The following MYH3 variants were observed in gnomAD, a reference collection of about 807,000 sequenced individuals.
MYH3 encodes myosin-3.
MYH3 carries 130 observed loss-of-function variants against 238.0 expected under a neutral mutation model. The observed-to-expected ratio is 0.55, with a 90% confidence interval of 0.47 to 0.63. The LOEUF (loss-of-function observed/expected upper bound fraction) is 0.63, where lower values mean the gene tolerates loss of function less well. MYH3 is among the 30% of genes least tolerant of loss of function. MYH3 has a pLI of 0.00. For missense variants in MYH3, 1,853 were observed against 2,374.9 expected (o/e 0.78, Z 4.57); for synonymous variants, 880 against 924.1 (o/e 0.95, Z 0.86).
the MYH3 span, among the ~76,000 whole-genome samples, chr17:10,671,489 ACT>A: frequency 3.3e-5 from 5 of 151,126 alleles, no homozygotes; most frequent in African/African-American, 1.2e-4. Flanking sequence ...CAAAAATTCC[ACT>A]GTTTGAATTA....
At chr17:10,661,133 T>C (rs1401186620), upstream of MYH3, among the ~76,000 whole-genome samples, 1 of 151,540 alleles carries the variant, frequency 6.6e-6, no homozygotes, top group African/African-American at 2.4e-5. Flanking sequence ...TATGCCACCA[T>C]GCCTGGCTAA....
In MYH3 at chr17:10,642,755, G is replaced by A. The variant is rs764370473; in HGVS notation, c.1582-32C>T. ...TGAAGGCAAGGCAAAGTGCAGAGAG[G>A]TAAATATGAGCTGCAGTAATGAGCA... On this transcript the variant is annotated intron_variant, in intron 15 of 40. Transcript: ENST00000583535. This position sits in a 1 kb window ranked among gnomAD's most constrained non-coding sequence, Gnocchi z 5.4. The A allele has an allele frequency of 6.8e-6, 11 of 1,614,060 alleles. No homozygotes were observed. Among genetic ancestry groups the A allele is most frequent in the Non-Finnish European group, 9.3e-6 (11 of 1,180,034 alleles).
At chr17:10,637,779 G>C (rs2074228728) in intron 28 of MYH3, 30 bp downstream of exon 28, 1 of 1,613,506 alleles carries the variant, frequency 6.2e-7, no homozygotes, top group Non-Finnish European at 8.5e-7. Flanking sequence ...AGGAGGTTTT[G>C]GCCCCACGGG....
chr17:10,658,149 G>C (rs12949974), upstream of MYH3, among the ~76,000 whole-genome samples: 44,504 of 151,850 alleles, frequency 0.29, 7,635 homozygotes, highest in Non-Finnish European at 0.39. Context: ...GGGCGGACAA[G>C]GGGGGGCTGT....
Position 10,640,703 on chromosome 17 carries a change from G to A in MYH3, c.2166-17C>T. 2 of 1,613,182 alleles carry A rather than the reference G, an allele frequency of 1.2e-6. No homozygotes were observed. Among genetic ancestry groups the A allele is most frequent in the Non-Finnish European group, 1.7e-6 (2 of 1,179,544 alleles). On this transcript the variant is annotated splice_polypyrimidine_tract_variant and intron_variant, in intron 19 of 40. Transcript: ENST00000583535. ...ACTCGGTATCTGCATTGTAGACATG[G>A]AAATCATCACAGACTGTTGGCAAAG...
At position 10,629,607 on chromosome 17, in the gene MYH3, G is replaced by A. The variant is rs867200333; in HGVS notation, c.5786C>T (p.Thr1929Ile). Residue 1929 changes from threonine (T) to isoleucine (I), a missense_variant, in exon 40 of 41, where the codon ACC (threonine) becomes ATC (isoleucine). Transcript: ENST00000583535. ...NKLRAKTRDFTSSRMVVHESE... is the reference protein window; with the variant it reads ...NKLRAKTRDFISSRMVVHESE... ...AGCTCAGCGACTCACCCTGCTGGAG[G>A]TGAAGTCTCGAGTCTTAGCGCGGAG... 11 of 1,613,258 alleles carry A rather than the reference G, an allele frequency of 6.8e-6. No homozygotes were observed. The highest frequency in any genetic ancestry group is 4.4e-5 in the South Asian group (4 of 91,046).
At chr17:10,655,386 C>A (rs201880864) in intron 2 of MYH3, among the ~76,000 whole-genome samples, 1 of 152,306 alleles carries the variant, frequency 6.6e-6, no homozygotes, top group East Asian at 1.9e-4. Flanking sequence ...ACTCTTGGGA[C>A]CGCCTTTTCC....
intron 12 of MYH3, 90 bp downstream of exon 12, chr17:10,645,617 C>G: frequency 6.6e-7 from 1 of 1,523,676 alleles, no homozygotes; most frequent in Non-Finnish European, 9.0e-7. Flanking sequence ...GCCACTGTGC[C>G]TGGCTGGATT....
chr17:10,660,333 A>G (rs998822617), upstream of MYH3, among the ~76,000 whole-genome samples: 19 of 152,348 alleles, frequency 1.2e-4, no homozygotes, highest in African/African-American at 4.3e-4. Context: ...TACACTGAAT[A>G]TATGTCTTAT....
In MYH3 at chr17:10,654,866, T is replaced by A; in HGVS notation, c.199A>T (p.Asn67Tyr). Residue 67 changes from asparagine (N) to tyrosine (Y), a missense_variant, in exon 3 of 41, where the codon AAC becomes TAC. Physicochemically the swap from Asn to Tyr is moderately radical, Grantham distance 143 (BLOSUM62 -2). Coordinates refer to ENST00000583535, the MANE Select transcript of MYH3 (RefSeq NM_002470.4). This position sits in a 1 kb window ranked among gnomAD's most constrained non-coding sequence, Gnocchi z 4.5. ...TGGAGGGTACAGAGCCTTACCCTGT[T>A]GTCCTCAGTTTCCACAGTGACCTTC... The part of the protein sequence containing the change: ...DGKVTVETED[N>Y]RTLVVKPEDV... 1 of 1,614,150 alleles carries A rather than the reference T, an allele frequency of 6.2e-7. No homozygotes were observed. The highest frequency in any genetic ancestry group is 8.5e-7 in the Non-Finnish European group (1 of 1,180,000).
In MYH3 at chr17:10,634,005, C is replaced by T. The variant is rs754648644; in HGVS notation, c.4522+12G>A. On this transcript the variant is annotated intron_variant, in intron 32 of 40. Transcript: ENST00000583535. ...GAAAGGAGGAGGTTTCAGAGGGTTT[C>T]GAATAGCTTACGCTCTAAGTTCTTA... 4.3e-6 allele frequency: 7 copies of T among 1,613,004 alleles called. No homozygotes were observed. Among genetic ancestry groups the T allele is most frequent in the East Asian group, 2.2e-5 (1 of 44,882 alleles).
At chr17:10,635,066 A>T (rs760055603) in intron 30 of MYH3, 43 bp from the exon 31 acceptor site, 1 of 1,585,696 alleles carries the variant, frequency 6.3e-7, no homozygotes, top group Admixed American at 1.7e-5. Flanking sequence ...TTCAGTTTCC[A>T]TCCACTTGAA....
At chr17:10,660,678 G>GA (rs34156792), upstream of MYH3, among the ~76,000 whole-genome samples, 78,236 of 134,148 alleles carry the variant, frequency 0.58, 23,717 homozygotes, top group African/African-American at 0.82. Flanking sequence ...CTCTGACTCG[G>GA]AAAAAAAAAA....
At chr17:10,641,926 A>G (rs1183116014) in intron 17 of MYH3, among the ~76,000 whole-genome samples, 6 of 152,134 alleles carry the variant, frequency 3.9e-5, no homozygotes, top group Admixed American at 3.3e-4. Context: ...GCTTTCTAAA[A>G]TCAACTCAGG....
chr17:10,651,730 C>T, intron 4 of MYH3, 62 bp from the exon 5 acceptor site: 2 of 1,550,566 alleles, frequency 1.3e-6, no homozygotes. Flanking sequence ...AAACCCCTTG[C>T]CTTTATTATT....
chr17:10,650,955 G>A (rs1389808372), intron 5 of MYH3, among the ~76,000 whole-genome samples: 3 of 152,114 alleles, frequency 2.0e-5, no homozygotes, highest in Admixed American at 1.3e-4. Flanking sequence ...TTGGGAGGCT[G>A]TGGCAGGCAG....
chr17:10,641,973 TG>T (rs977029576), intron 17 of MYH3, among the ~76,000 whole-genome samples: 59 of 152,352 alleles, frequency 3.9e-4, no homozygotes, highest in African/African-American at 1.3e-3. Context: ...CTATTGCTGG[TG>T]TCCTTTAGGA....
chr17:10,647,232 C>G lies in MYH3; in HGVS notation c.848G>C (p.Ser283Thr), dbSNP rs1298595859. ...AAGAATCTGGTAGAAGATGTGGTAG[C>G]TTCTTTCAGCCTTCAGCTGGAAAGT... is the stretch of plus-strand genomic sequence containing the variant. ...RVTFQLKAER[S>T]YHIFYQILSN... Residue 283 changes from serine to threonine, a missense_variant, in exon 10 of 41, where the codon AGC (serine) becomes ACC (threonine). This residue lies in a region of MYH3 where 678 missense variants were observed against 1,058.9 expected (regional missense o/e 0.64). Transcript: ENST00000583535. 5 of 1,614,104 alleles carry G rather than the reference C, an allele frequency of 3.1e-6. No individual in the cohort carries two copies. In the Admixed American group the frequency reaches 5.0e-5, roughly 16 times the overall value.
intron 28 of MYH3, among the ~76,000 whole-genome samples, chr17:10,636,615 G>GAGT (rs149893955): frequency 0.02 from 3,035 of 151,994 alleles, 95 homozygotes; most frequent in African/African-American, 0.068. Flanking sequence ...CCCCCAACAT[G>GAGT]GTAAAAGTGG....
Sources: gnomAD v4.1 joint callset for allele counts (sites outside exome capture counted in the v4.1 genomes callset) on GRCh38, gnomAD v4.1.1 for gene constraint, gnomAD v4.1.1 regional missense constraint, Gnocchi (gnomAD v3.1) non-coding constraint, MANE v1.5 for transcripts, NCBI Gene and HGNC (gene_info 2026-07-23, HGNC 2026-07-21) for gene names.